Variants in RCOR1 observed in about 807,000 individuals in gnomAD.
The protein encoded by RCOR1 is REST corepressor 1.
In RCOR1, 12 loss-of-function variants were observed where a neutral mutation model predicts 64.0. The observed-to-expected ratio is 0.19, with a 90% CI of 0.12 to 0.30. The LOEUF is 0.30. Among genes scored for constraint, RCOR1 ranks in the 10% least tolerant of loss-of-function variants. The probability of loss-of-function intolerance (pLI) is 1.00; values close to 1 mark genes in which losing one functional copy is unlikely to be tolerated. For synonymous variants in RCOR1, 279 were observed against 227.2 expected, an observed-to-expected ratio of 1.23 and a Z score of -2.05; for missense variants, 502 against 621.2, an observed-to-expected ratio of 0.81 and a Z score of 2.04.
intron 2 of RCOR1, among the ~76,000 whole-genome samples, chr14:102,614,437 C>T (rs1893707476): frequency 1.3e-5 from 2 of 150,664 alleles, no homozygotes; most frequent in East Asian, 2.0e-4. Flanking sequence ...CGTTAGCCAG[C>T]ATGGTCTCGA....
At chr14:102,600,672 G>A (rs1462245095) in intron 2 of RCOR1, among the ~76,000 whole-genome samples, 1 of 149,600 alleles carries the variant, frequency 6.7e-6, no homozygotes, top group East Asian at 2.0e-4. Flanking sequence ...CTGGGTTCAC[G>A]CCATTCTCCT....
intron 2 of RCOR1, among the ~76,000 whole-genome samples, chr14:102,635,056 AC>A (rs1233688646): frequency 1.3e-5 from 2 of 149,556 alleles, no homozygotes; most frequent in Non-Finnish European, 3.0e-5. Flanking sequence ...TTGGTCTTGA[AC>A]TCCTGGCCTC....
intron 2 of RCOR1, among the ~76,000 whole-genome samples, chr14:102,616,720 C>T (rs1014386151): frequency 6.6e-6 from 1 of 152,154 alleles, no homozygotes; most frequent in South Asian, 2.1e-4. Context: ...CTTCTCTTTA[C>T]TCCTGCAATC....
intron 2 of RCOR1, chr14:102,662,114 T>C (rs1306632256): frequency 2.8e-6 from 1 of 351,814 alleles, no homozygotes; most frequent in Non-Finnish European, 5.5e-6. Context: ...TGTTGTCATT[T>C]GCATGTTGTA....
At chr14:102,677,285 G>A (rs1265777955) in intron 2 of RCOR1, among the ~76,000 whole-genome samples, 3 of 112,186 alleles carry the variant, frequency 2.7e-5, no homozygotes, top group Non-Finnish European at 5.5e-5. Context: ...CGGGGCGGCC[G>A]GGCAAAGGAG....
intron 7 of RCOR1, among the ~76,000 whole-genome samples, chr14:102,711,667 A>G (rs1389895381): frequency 6.6e-6 from 1 of 152,154 alleles, no homozygotes; most frequent in African/African-American, 2.4e-5. Flanking sequence ...AAAATTTCTC[A>G]GAGAGTTCTC....
intron 3 of RCOR1, among the ~76,000 whole-genome samples, chr14:102,683,818 G>C (rs1036451690): frequency 8.5e-5 from 13 of 152,348 alleles, no homozygotes; most frequent in African/African-American, 3.1e-4. Context: ...CTGGAAGCTG[G>C]CAGTGCTGGG....
At chr14:102,656,901 A>C (rs1894739047) in intron 2 of RCOR1, among the ~76,000 whole-genome samples, 1 of 151,048 alleles carries the variant, frequency 6.6e-6, no homozygotes, top group Admixed American at 6.6e-5. Context: ...TCAGCCTCCC[A>C]AGCAGGTGGG....
At chr14:102,645,311 A>G (rs2139924657) in intron 2 of RCOR1, among the ~76,000 whole-genome samples, 1 of 152,304 alleles carries the variant, frequency 6.6e-6, no homozygotes, top group East Asian at 1.9e-4. Context: ...TTACAGTCAC[A>G]GTCTGGGTTT....
chr14:102,666,428 C>T (rs1894917839), intron 2 of RCOR1, among the ~76,000 whole-genome samples: 1 of 152,182 alleles, frequency 6.6e-6, no homozygotes, highest in Non-Finnish European at 1.5e-5. Flanking sequence ...TAACATCTTA[C>T]ATTAGTATGG....
chr14:102,676,742 A>G (rs1418855940), intron 2 of RCOR1, among the ~76,000 whole-genome samples: 1 of 31,396 alleles, frequency 3.2e-5, no homozygotes, highest in African/African-American at 1.4e-4. Context: ...GACCCCCCCC[A>G]CCTCCCTCCC....
chr14:102,640,787 C>T (rs1203041963), intron 2 of RCOR1, among the ~76,000 whole-genome samples: 1 of 148,724 alleles, frequency 6.7e-6, no homozygotes. Context: ...ATAGTGAAAC[C>T]CCGTCTTACA....
intron 2 of RCOR1, among the ~76,000 whole-genome samples, chr14:102,637,481 C>T (rs938156875): frequency 3.9e-5 from 6 of 151,920 alleles, no homozygotes; most frequent in Non-Finnish European, 7.4e-5. Context: ...GACAGGATCT[C>T]ACTATGTTGC....
At chr14:102,726,140 A>G (rs1457826560) in intron 11 of RCOR1, among the ~76,000 whole-genome samples, 2 of 151,830 alleles carry the variant, frequency 1.3e-5, no homozygotes, top group African/African-American at 2.4e-5. Flanking sequence ...CAGCCCGGCC[A>G]ACATGGTGAA....
chr14:102,655,966 C>CACAT lies in RCOR1; in HGVS notation c.362-25926_362-25925insTACA, dbSNP rs1453206691. 4.9e-4 allele frequency: 483 copies of CACAT among 982,282 alleles called. 1 individual carries two copies. The African/African-American group carries it at 7.6e-3, about 16-fold the overall frequency. The allele number at this position is 982,282 out of a possible 1,614,324, so 60.8% of individuals were successfully genotyped here. On this transcript the variant is annotated intron_variant, in intron 2 of 11. Transcript: ENST00000262241. ...AGACTTTTTGTCACACACACACACA[C>CACAT]ACACACACACACACACACACACGTG... is the stretch of plus-strand genomic sequence containing the variant.
At chr14:102,598,605 G>A (rs1014682394) in intron 2 of RCOR1, among the ~76,000 whole-genome samples, 5 of 151,706 alleles carry the variant, frequency 3.3e-5, no homozygotes, top group South Asian at 2.1e-4. Context: ...CTGCCACCAC[G>A]CCCGGCTAAT....
chr14:102,722,887 C>T (rs1355347473), intron 11 of RCOR1, among the ~76,000 whole-genome samples: 2 of 152,200 alleles, frequency 1.3e-5, no homozygotes, highest in Non-Finnish European at 1.5e-5. Flanking sequence ...ATCTTTCAGC[C>T]TTTGATGCTC....
intron 2 of RCOR1, among the ~76,000 whole-genome samples, chr14:102,613,430 T>G (rs1039464721): frequency 6.6e-6 from 1 of 151,486 alleles, no homozygotes; most frequent in South Asian, 2.1e-4. Flanking sequence ...ACATATTTAT[T>G]TATCATTTTT....
intron 2 of RCOR1, among the ~76,000 whole-genome samples, chr14:102,641,383 T>G (rs1894365214): frequency 6.6e-6 from 1 of 152,148 alleles, no homozygotes; most frequent in African/African-American, 2.4e-5. Flanking sequence ...GTGGATCACT[T>G]GAGCCCAGGA....
Sources: gnomAD v4.1 joint callset for allele counts (sites outside exome capture counted in the v4.1 genomes callset) on GRCh38, gnomAD v4.1.1 for gene constraint, MANE v1.5 for transcripts, NCBI Gene and HGNC (gene_info 2026-07-23, HGNC 2026-07-21) for gene names.